The following SGCZ variants were observed in gnomAD, a reference collection of about 807,000 sequenced individuals.
SGCZ encodes zeta-sarcoglycan.
SGCZ carries 40 observed loss-of-function variants against 41.3 expected under a neutral mutation model. That is an observed-to-expected ratio of 0.97 (90% CI 0.75 to 1.26). The LOEUF (loss-of-function observed/expected upper bound fraction) is 1.26, where lower values mean the gene tolerates loss of function less well. Among genes scored for constraint, SGCZ ranks in the 50% most tolerant of loss-of-function variants. The probability of loss-of-function intolerance (pLI) is 0.00; values close to 1 mark genes in which losing one functional copy is unlikely to be tolerated. For missense variants in SGCZ, 552 were observed against 369.8 expected, an observed-to-expected ratio of 1.49 and a Z score of -4.04; for synonymous variants, 206 against 137.5, an observed-to-expected ratio of 1.50 and a Z score of -3.49.
At chr8:14,887,411 T>A (rs1169498256) in intron 1 of SGCZ, among the ~76,000 whole-genome samples, 2 of 152,172 alleles carry the variant, frequency 1.3e-5, no homozygotes, top group Non-Finnish European at 2.9e-5. Flanking sequence ...TCATTTTACA[T>A]CTTTAGGTAT....
chr8:14,127,860 T>A (rs1802913806), intron 5 of SGCZ, among the ~76,000 whole-genome samples: 1 of 152,162 alleles, frequency 6.6e-6, no homozygotes, highest in Non-Finnish European at 1.5e-5. Context: ...AATTCTTTCA[T>A]CACCCAGGTA....
intron 1 of SGCZ, among the ~76,000 whole-genome samples, chr8:14,810,385 T>C (rs1017726558): frequency 6.6e-6 from 1 of 152,044 alleles, no homozygotes; most frequent in Non-Finnish European, 1.5e-5. Flanking sequence ...ATATTAACAT[T>C]TTTTAAGAAA....
intron 2 of SGCZ, among the ~76,000 whole-genome samples, chr8:14,370,697 T>C (rs2117160208): frequency 6.6e-6 from 1 of 152,020 alleles, no homozygotes; most frequent in Admixed American, 6.6e-5. Context: ...AGCATACTAG[T>C]TACACAGCGA....
At chr8:14,377,688 C>G (rs1182033095) in intron 2 of SGCZ, among the ~76,000 whole-genome samples, 28 of 151,648 alleles carry the variant, frequency 1.8e-4, no homozygotes, top group Admixed American at 8.5e-4. Flanking sequence ...ACTCCCCCCA[C>G]CCCACAACAG....
chr8:14,956,848 T>C (rs889596836), intron 1 of SGCZ, among the ~76,000 whole-genome samples: 2 of 152,220 alleles, frequency 1.3e-5, no homozygotes, highest in African/African-American at 4.8e-5. Context: ...AGTCTTCTAC[T>C]TTTTAGAAAG....
At chr8:15,003,718 T>C (rs946925237) in intron 1 of SGCZ, among the ~76,000 whole-genome samples, 35 of 152,110 alleles carry the variant, frequency 2.3e-4, no homozygotes, top group African/African-American at 7.5e-4. Context: ...TAAATCAGGA[T>C]TTATGACAAA....
chr8:15,128,341 T>C (rs1017538712), intron 1 of SGCZ, among the ~76,000 whole-genome samples: 1 of 152,244 alleles, frequency 6.6e-6, no homozygotes, highest in African/African-American at 2.4e-5. Flanking sequence ...GGCCCATTTA[T>C]TCTCAGCATT....
chr8:14,366,325 G>A (rs369222209), intron 2 of SGCZ, among the ~76,000 whole-genome samples: 1 of 152,142 alleles, frequency 6.6e-6, no homozygotes, highest in Non-Finnish European at 1.5e-5. Context: ...ATGGTGGCAA[G>A]AAGGAGAGCA....
At chr8:15,235,094 C>G (rs1802078922) in intron 1 of SGCZ, among the ~76,000 whole-genome samples, 1 of 152,122 alleles carries the variant, frequency 6.6e-6, no homozygotes. Flanking sequence ...TTTCTTCCCT[C>G]TCTCCACTGA....
At chr8:15,053,943 T>C (rs144379787) in intron 1 of SGCZ, among the ~76,000 whole-genome samples, 33 of 152,248 alleles carry the variant, frequency 2.2e-4, no homozygotes, top group African/African-American at 7.9e-4. Context: ...TGCCTTATCA[T>C]CCTTGACAAA....
intron 1 of SGCZ, among the ~76,000 whole-genome samples, chr8:14,916,988 G>A (rs745392841): frequency 1.3e-4 from 20 of 152,078 alleles, no homozygotes; most frequent in Admixed American, 1.3e-4. Flanking sequence ...ATATGAATAT[G>A]ACTTTGTATA....
Position 14,555,922 on chromosome 8 carries a change from T to C in SGCZ, c.40-996A>G, listed in dbSNP as rs182216718. 3.6e-3 allele frequency among the ~76,000 whole-genome samples: 541 copies of C among 152,140 alleles called. 3 individuals carry two copies. The highest frequency in any genetic ancestry group is 5.6e-3 in the Non-Finnish European group (379 of 67,966). ...TCAATGAGTTATCAGAAAAAAATATTTAACTCTAAGAACACTATATATTAT... is the reference window on the plus strand; with the variant it reads ...TCAATGAGTTATCAGAAAAAAATATCTAACTCTAAGAACACTATATATTAT... On this transcript the variant is annotated intron_variant, in intron 1 of 7. Coordinates refer to ENST00000382080, the MANE Select transcript of SGCZ (RefSeq NM_139167.4).
At chr8:15,137,623 G>A (rs1808161716) in intron 1 of SGCZ, among the ~76,000 whole-genome samples, 1 of 151,644 alleles carries the variant, frequency 6.6e-6, no homozygotes, top group Non-Finnish European at 1.5e-5. Flanking sequence ...GTACAGCTCA[G>A]TCCATGACTT....
At chr8:14,377,155 C>G (rs1402576884) in intron 2 of SGCZ, among the ~76,000 whole-genome samples, 1 of 152,164 alleles carries the variant, frequency 6.6e-6, no homozygotes, top group African/African-American at 2.4e-5. Context: ...TGCCATACTC[C>G]CCAACCTCCA....
chr8:15,095,402 A>G (rs1340612767), intron 1 of SGCZ, among the ~76,000 whole-genome samples: 1 of 152,136 alleles, frequency 6.6e-6, no homozygotes, highest in Non-Finnish European at 1.5e-5. Flanking sequence ...CCCAGCCAAG[A>G]AAACATTTTA....
At chr8:14,732,847 G>A (rs1236359969) in intron 1 of SGCZ, among the ~76,000 whole-genome samples, 4 of 151,984 alleles carry the variant, frequency 2.6e-5, no homozygotes, top group Non-Finnish European at 4.4e-5. Flanking sequence ...GTACCACATC[G>A]TCTTTTATAC....
At chr8:15,174,687 T>A (rs1363144376) in intron 1 of SGCZ, among the ~76,000 whole-genome samples, 2 of 152,230 alleles carry the variant, frequency 1.3e-5, no homozygotes, top group Non-Finnish European at 2.9e-5. Context: ...ATCCAATTTA[T>A]CCACATGCCT....
chr8:14,664,556 C>A (rs1043402007), intron 1 of SGCZ, among the ~76,000 whole-genome samples: 4 of 152,256 alleles, frequency 2.6e-5, no homozygotes, highest in South Asian at 2.1e-4. Context: ...CAACATCATA[C>A]TTTAAGGAGG....
rs540970606 is a variant in SGCZ at position 14,653,729 on chromosome 8, A to G, written c.40-98803T>C. Among the ~76,000 whole-genome samples the G allele has an allele frequency of 2.7e-3, 414 of 151,800 alleles. 1 individual carries two copies. The highest frequency in any genetic ancestry group is 0.024 in the Middle Eastern group (7 of 294). ...CCATCTTCACAGACATAATCCAAAC[A>G]GTTTTCAAACGCAATGCCATTGGCA... is the stretch of plus-strand genomic sequence containing the variant. On this transcript the variant is annotated intron_variant, in intron 1 of 7. Transcript: ENST00000382080.
Sources: allele counts gnomAD v4.1 joint callset (sites outside exome capture counted in the v4.1 genomes callset), GRCh38; gene constraint gnomAD v4.1.1; transcripts MANE v1.5; gene names NCBI Gene and HGNC (gene_info 2026-07-23, HGNC 2026-07-21).